MYO18B: variants seen among roughly 807,000 people sequenced by gnomAD.
MYO18B encodes unconventional myosin-XVIIIb.
Under a neutral mutation model 273.0 loss-of-function variants are expected in MYO18B, and 204 were observed. The ratio of observed to expected loss-of-function variants is 0.75; its 90% CI spans 0.67 to 0.84. The LOEUF (loss-of-function observed/expected upper bound fraction) is 0.84, where lower values mean the gene tolerates loss of function less well. Among genes scored for constraint, MYO18B ranks in the 40% least tolerant of loss-of-function variants. MYO18B has a pLI of 0.00. For synonymous variants in MYO18B, 1,330 were observed against 1,305.7 expected (o/e 1.02, Z -0.40); for missense variants, 3,212 against 3,287.6 (o/e 0.98, Z 0.56).
rs183967039 is a variant in MYO18B at position 25,942,674 on chromosome 22, C to T, written c.5518-3463C>T. ...AAAAGGTCCTAATGGTGGCACCTTTCTCCTAGAGGTGCTGTGGGGCTGTCA... is the reference window on the plus strand; with the variant it reads ...AAAAGGTCCTAATGGTGGCACCTTTTTCCTAGAGGTGCTGTGGGGCTGTCA... On this transcript the variant is annotated intron_variant, in intron 34 of 43. Coordinates refer to ENST00000335473, the MANE Select transcript of MYO18B (RefSeq NM_032608.7). Among the ~76,000 whole-genome samples the T allele has an allele frequency of 5.5e-4, 83 of 152,276 alleles. No individual in the cohort carries two copies. In the Middle Eastern group the frequency reaches 0.01, roughly 19 times the overall value.
intron 29 of MYO18B, 33 bp from the exon 30 acceptor site, chr22:25,902,580 A>G (rs376020999): frequency 6.0e-4 from 964 of 1,593,388 alleles, no homozygotes; most frequent in Non-Finnish European, 7.1e-4. Flanking sequence ...CCACCTGCCT[A>G]CGGGGCCCTG....
At chr22:26,052,293 G>A in the MYO18B span, among the ~76,000 whole-genome samples, 1 of 152,146 alleles carries the variant, frequency 6.6e-6, no homozygotes. Context: ...TTTTGAGATG[G>A]TATTGATAAT....
At chr22:25,864,434 C>T (rs1245708654) in intron 21 of MYO18B, among the ~76,000 whole-genome samples, 1 of 152,130 alleles carries the variant, frequency 6.6e-6, no homozygotes, top group Non-Finnish European at 1.5e-5. Flanking sequence ...CTTATATGAC[C>T]TTATTAAATC....
chr22:25,987,379 A>G (rs770796424), intron 39 of MYO18B, among the ~76,000 whole-genome samples: 5 of 152,330 alleles, frequency 3.3e-5, no homozygotes, highest in Non-Finnish European at 7.3e-5. Flanking sequence ...ACAAGAAATC[A>G]TAGTTCTCTC....
intron 33 of MYO18B, among the ~76,000 whole-genome samples, chr22:25,919,840 A>T (rs1179291601): frequency 1.3e-5 from 2 of 152,320 alleles, no homozygotes; most frequent in East Asian, 3.9e-4. Context: ...AATCTAGAGG[A>T]ACACATTCGA....
chr22:26,035,296 C>T (rs576727708), downstream of MYO18B, among the ~76,000 whole-genome samples: 1 of 152,316 alleles, frequency 6.6e-6, no homozygotes, highest in South Asian at 2.1e-4. Flanking sequence ...TGGGCTTGTC[C>T]AAACTGCAAC....
intron 13 of MYO18B, among the ~76,000 whole-genome samples, chr22:25,824,376 CAG>C (rs575968979): frequency 6.6e-6 from 1 of 152,102 alleles, no homozygotes; most frequent in East Asian, 1.9e-4. Context: ...AAGAGAAAGA[CAG>C]AGACCAGCAG....
At chr22:25,887,387 AT>A (rs11291087) in intron 25 of MYO18B, among the ~76,000 whole-genome samples, 8,232 of 151,536 alleles carry the variant, frequency 0.054, 462 homozygotes, top group African/African-American at 0.14. Context: ...TGCACAGGAT[AT>A]TTTTTTTTCT....
At chr22:25,859,537 T>G (rs183704261) in intron 21 of MYO18B, among the ~76,000 whole-genome samples, 2 of 152,316 alleles carry the variant, frequency 1.3e-5, no homozygotes, top group Admixed American at 6.5e-5. Context: ...TATCAATACT[T>G]GGAATTGTTT....
chr22:25,846,182 C>A lies in MYO18B; in HGVS notation c.3451C>A (p.Gln1151Lys). The change falls in exon 19 of 44, where the codon CAG becomes AAG. Residue 1151 changes from glutamine to lysine, a missense_variant. By Grantham distance (53) the Gln-to-Lys change is moderately conservative. Transcript: ENST00000335473. Reference protein sequence around the residue: ...RAVAGLEGTSQQALQRSRMVR... With the variant: ...RAVAGLEGTSKQALQRSRMVR... ...TGTGGCAGGCCTGGAGGGCACCTCCCAGCAGGCCCTGCAGAGGAGCCGCAT... is the reference window on the plus strand; with the variant it reads ...TGTGGCAGGCCTGGAGGGCACCTCCAAGCAGGCCCTGCAGAGGAGCCGCAT... The A allele has an allele frequency of 6.2e-7, 1 of 1,611,898 alleles. No homozygotes were observed. Among genetic ancestry groups the A allele is most frequent in the Non-Finnish European group, 8.5e-7 (1 of 1,179,556 alleles).
intron 35 of MYO18B, among the ~76,000 whole-genome samples, chr22:25,947,487 T>TACACACACAGACACAC (rs71311532): frequency 1.1e-4 from 12 of 110,676 alleles, no homozygotes; most frequent in African/African-American, 4.1e-4. Context: ...TAATGCCTAA[T>TACACACACAGACACAC]ACACACACAC....
chr22:26,006,697 A>T (rs916528455), intron 42 of MYO18B, among the ~76,000 whole-genome samples: 6 of 152,196 alleles, frequency 3.9e-5, no homozygotes, highest in Admixed American at 2.0e-4. Flanking sequence ...GAGATTTTGG[A>T]CAAGCTGCTT....
intron 21 of MYO18B, among the ~76,000 whole-genome samples, chr22:25,867,259 A>G (rs1400072835): frequency 1.3e-5 from 2 of 152,214 alleles, no homozygotes; most frequent in African/African-American, 4.8e-5. Context: ...CTGAAACGTT[A>G]TACCCGTTAA....
chr22:25,776,228 T>C (rs796849352), intron 7 of MYO18B, among the ~76,000 whole-genome samples: 5 of 152,378 alleles, frequency 3.3e-5, no homozygotes, highest in African/African-American at 1.2e-4. Context: ...GTTTGTTCCT[T>C]TATTTTATTT....
intron 37 of MYO18B, among the ~76,000 whole-genome samples, chr22:25,951,373 C>T (rs9624937): frequency 0.014 from 2,142 of 152,248 alleles, 42 homozygotes; most frequent in African/African-American, 0.042. Context: ...CAGTTGTGTG[C>T]GAGGTGAATT....
At chr22:26,002,538 A>G (rs991830445) in intron 40 of MYO18B, among the ~76,000 whole-genome samples, 4 of 152,206 alleles carry the variant, frequency 2.6e-5, no homozygotes, top group Admixed American at 2.6e-4. Context: ...TGTCCAGATT[A>G]CAGCAGAGAA....
In MYO18B at chr22:25,890,804, G is replaced by A. The variant is rs1448569253; in HGVS notation, c.4363G>A (p.Val1455Met). 6.2e-7 allele frequency: 1 copy of A among 1,613,852 alleles called. No individual in the cohort carries two copies. Among genetic ancestry groups the A allele is most frequent in the African/African-American group, 1.3e-5 (1 of 74,920 alleles). ...DLADERFKGD[V>M]ACQVLESERA... is the part of the protein sequence containing the mutation. ...TGCCGATGAGCGCTTCAAAGGTGATGTGGCCTGCCAGGTGCTGGAGAGTGA... is the reference window on the plus strand; with the variant it reads ...TGCCGATGAGCGCTTCAAAGGTGATATGGCCTGCCAGGTGCTGGAGAGTGA... Residue 1455 changes from valine to methionine, a missense_variant, in exon 26 of 44, where the codon GTG becomes ATG. Physicochemically the swap from Val to Met is conservative, Grantham distance 21. Transcript: ENST00000335473.
intron 11 of MYO18B, among the ~76,000 whole-genome samples, chr22:25,795,352 C>T (rs1421164659): frequency 6.6e-6 from 1 of 152,144 alleles, no homozygotes; most frequent in Non-Finnish European, 1.5e-5. Context: ...GAATCAGAAA[C>T]ATATATATTT....
At chr22:25,911,513 G>C (rs1158270228) in intron 33 of MYO18B, among the ~76,000 whole-genome samples, 1 of 152,212 alleles carries the variant, frequency 6.6e-6, no homozygotes, top group Non-Finnish European at 1.5e-5. Context: ...GGAGAGTGGA[G>C]CCTTATGGGG....
Sources: gnomAD v4.1 joint callset for allele counts (sites outside exome capture counted in the v4.1 genomes callset) on GRCh38, gnomAD v4.1.1 for gene constraint, MANE v1.5 for transcripts, NCBI Gene and HGNC (gene_info 2026-07-23, HGNC 2026-07-21) for gene names.